The following OPCML variants were observed in gnomAD, a reference collection of about 807,000 sequenced individuals.
OPCML encodes the protein opioid-binding protein/cell adhesion molecule.
In OPCML, 13 loss-of-function variants were observed where a neutral mutation model predicts 37.8. The observed-to-expected ratio is 0.34, with a 90% CI of 0.22 to 0.55. OPCML has a LOEUF of 0.55. OPCML is among the 20% of genes least tolerant of loss of function. The pLI is 0.91. For missense variants in OPCML, 341 were observed against 435.6 expected, an observed-to-expected ratio of 0.78 and a Z score of 1.93; for synonymous variants, 176 against 168.8, an observed-to-expected ratio of 1.04 and a Z score of -0.33.
At chr11:133,224,805 T>G (rs1418062322) in intron 1 of OPCML, among the ~76,000 whole-genome samples, 1 of 152,262 alleles carries the variant, frequency 6.6e-6, no homozygotes, top group African/African-American at 2.4e-5. Context: ...AATTAACTTT[T>G]GATTTATACA....
rs141562437 is a variant in OPCML, at chr11:133,074,190, T to G, written c.62-131180A>C. Reference sequence around the variant, plus strand: ...TGAAACATCTATATCTTTCTAGAGCTCATTTCAAATGATAATCTTTTATTT... The same window carrying G: ...TGAAACATCTATATCTTTCTAGAGCGCATTTCAAATGATAATCTTTTATTT... On this transcript the variant is annotated intron_variant, in intron 1 of 7. Coordinates refer to ENST00000524381, the MANE Select transcript of OPCML (RefSeq NM_001012393.5). 5.0e-3 allele frequency among the ~76,000 whole-genome samples: 765 copies of G among 152,356 alleles called. 4 individuals are homozygous for G. The highest frequency in any genetic ancestry group is 0.016 in the African/African-American group (685 of 41,590).
intron 1 of OPCML, among the ~76,000 whole-genome samples, chr11:132,971,581 C>A (rs2136756417): frequency 6.6e-6 from 1 of 152,304 alleles, no homozygotes; most frequent in South Asian, 2.1e-4. Flanking sequence ...TTGGAATGGC[C>A]TCTTTGTAAA....
At chr11:133,058,316 AAGT>A (rs1431180471) in intron 1 of OPCML, among the ~76,000 whole-genome samples, 1 of 152,140 alleles carries the variant, frequency 6.6e-6, no homozygotes, top group Non-Finnish European at 1.5e-5. Flanking sequence ...CCCAGAAAGA[AAGT>A]AGCAAAAGGA....
intron 1 of OPCML, among the ~76,000 whole-genome samples, chr11:133,224,623 A>G (rs750439677): frequency 3.9e-5 from 6 of 152,260 alleles, no homozygotes. Flanking sequence ...CACCCGGGCC[A>G]GATGCCTTCC....
intron 1 of OPCML, among the ~76,000 whole-genome samples, chr11:133,015,175 G>C (rs1185268486): frequency 6.6e-6 from 1 of 152,114 alleles, no homozygotes; most frequent in African/African-American, 2.4e-5. Flanking sequence ...TTGGAAAATA[G>C]ATTGATTGAT....
chr11:132,578,949 C>T (rs371811518), intron 3 of OPCML, among the ~76,000 whole-genome samples: 12 of 152,104 alleles, frequency 7.9e-5, no homozygotes, highest in African/African-American at 2.7e-4. Context: ...ACAAGCCTCC[C>T]ACACCTGCCC....
intron 1 of OPCML, among the ~76,000 whole-genome samples, chr11:133,306,974 T>C (rs1942936260): frequency 6.6e-6 from 1 of 152,186 alleles, no homozygotes; most frequent in Non-Finnish European, 1.5e-5. Context: ...GATAACCCTG[T>C]ACCACGAATG....
intron 1 of OPCML, among the ~76,000 whole-genome samples, chr11:133,340,821 C>T (rs544561960): frequency 1.3e-5 from 2 of 152,020 alleles, no homozygotes; most frequent in African/African-American, 2.4e-5. Context: ...GTTTCTGTGA[C>T]GAAGGGGGAA....
rs150765552 is a variant in OPCML at position 133,292,748 on chromosome 11, G to A, written c.61+239516C>T. ...CTAGAATGAGATATAATATGTGGACGCAAGGAAAAGTGACATTCAGTGAAT... is the reference window on the plus strand; with the variant it reads ...CTAGAATGAGATATAATATGTGGACACAAGGAAAAGTGACATTCAGTGAAT... On this transcript the variant is annotated intron_variant, in intron 1 of 7. Transcript: ENST00000524381. 1.7e-3 allele frequency among the ~76,000 whole-genome samples: 264 copies of A among 152,236 alleles called. 2 individuals carry two copies. Among genetic ancestry groups the A allele is most frequent in the African/African-American group, 5.8e-3 (242 of 41,518 alleles).
At chr11:132,494,207 T>C (rs1247602261) in intron 4 of OPCML, among the ~76,000 whole-genome samples, 2 of 152,222 alleles carry the variant, frequency 1.3e-5, no homozygotes, top group African/African-American at 4.8e-5. Context: ...ACAATGTCAG[T>C]TGAAACGTGT....
At chr11:133,394,606 A>G (rs1222687527) in intron 1 of OPCML, among the ~76,000 whole-genome samples, 2 of 152,086 alleles carry the variant, frequency 1.3e-5, no homozygotes, top group Non-Finnish European at 2.9e-5. Context: ...TCTCCGCTCC[A>G]TTAGTTCAAT....
At chr11:133,130,716 T>C (rs896128689) in intron 1 of OPCML, among the ~76,000 whole-genome samples, 3 of 152,080 alleles carry the variant, frequency 2.0e-5, no homozygotes. Context: ...ATCCAGACAG[T>C]GTGTTATTAG....
intron 1 of OPCML, among the ~76,000 whole-genome samples, chr11:133,295,136 GCTTC>G (rs1942597284): frequency 6.6e-6 from 1 of 152,022 alleles, no homozygotes; most frequent in South Asian, 2.1e-4. Context: ...CAAACAGAAA[GCTTC>G]AAACCCAACT....
intron 2 of OPCML, among the ~76,000 whole-genome samples, chr11:132,668,566 T>G (rs115104521): frequency 0.011 from 1,645 of 152,308 alleles, 21 homozygotes; most frequent in African/African-American, 0.028. Flanking sequence ...GCCTGCTCTA[T>G]TAGTACGAGC....
chr11:133,290,829 C>T (rs980709537), intron 1 of OPCML, among the ~76,000 whole-genome samples: 4 of 152,238 alleles, frequency 2.6e-5, no homozygotes, highest in Admixed American at 6.5e-5. Flanking sequence ...TGTCTGGAAT[C>T]TTCTTCCAAT....
intron 2 of OPCML, among the ~76,000 whole-genome samples, chr11:132,821,610 A>G (rs1939990443): frequency 6.6e-6 from 1 of 152,256 alleles, no homozygotes. Context: ...CCTGTAATAC[A>G]TGAAAGATTA....
intron 4 of OPCML, among the ~76,000 whole-genome samples, chr11:132,467,926 G>A (rs971155788): frequency 1.1e-4 from 16 of 152,166 alleles, no homozygotes; most frequent in African/African-American, 3.4e-4. Context: ...TTGGTGTCAC[G>A]GTGAACAGCA....
chr11:133,130,621 C>A (rs1949588946), intron 1 of OPCML, among the ~76,000 whole-genome samples: 1 of 151,980 alleles, frequency 6.6e-6, no homozygotes, highest in Admixed American at 6.6e-5. Flanking sequence ...AACACAAAGA[C>A]CCCCAAATAA....
chr11:133,097,267 C>T (rs542934729), intron 1 of OPCML, among the ~76,000 whole-genome samples: 1 of 152,230 alleles, frequency 6.6e-6, no homozygotes, highest in South Asian at 2.1e-4. Context: ...TCTTAAGATA[C>T]TTGAAGATTA....
Sources: gnomAD v4.1 joint callset for allele counts (sites outside exome capture counted in the v4.1 genomes callset) on GRCh38, gnomAD v4.1.1 for gene constraint, MANE v1.5 for transcripts, NCBI Gene and HGNC (gene_info 2026-07-23, HGNC 2026-07-21) for gene names.